DLG2: variants seen among roughly 807,000 people sequenced by gnomAD.
DLG2 encodes disks large homolog 2.
Under a neutral mutation model 132.5 loss-of-function variants are expected in DLG2, and 45 were observed. The observed-to-expected ratio is 0.34, with a 90% CI of 0.27 to 0.44. The LOEUF is 0.44. Among genes scored for constraint, DLG2 ranks in the 20% least tolerant of loss-of-function variants. The pLI, the probability that DLG2 is intolerant of heterozygous loss-of-function variation, is 1.00. For missense variants in DLG2, 1,045 were observed against 1,196.9 expected (o/e 0.87, Z 1.87); for synonymous variants, 424 against 419.6 (o/e 1.01, Z -0.13).
At chr11:84,959,430 G>A (rs1042614656) in intron 6 of DLG2, among the ~76,000 whole-genome samples, 2 of 152,120 alleles carry the variant, frequency 1.3e-5, no homozygotes, top group Admixed American at 1.3e-4. Flanking sequence ...GGGTGAAAGG[G>A]CATGCATCTA....
intron 7 of DLG2, among the ~76,000 whole-genome samples, chr11:84,343,551 A>G (rs1463156839): frequency 1.3e-5 from 2 of 152,210 alleles, no homozygotes; most frequent in Admixed American, 6.5e-5. Context: ...CTTGAAATCT[A>G]GTGGAAACAT....
At chr11:85,194,612 C>T (rs555423960) in intron 4 of DLG2, among the ~76,000 whole-genome samples, 17 of 151,642 alleles carry the variant, frequency 1.1e-4, no homozygotes, top group South Asian at 6.3e-4. Context: ...CCCCCACCCC[C>T]GCCAAAGAAA....
At chr11:84,273,306 GAAAA>G (rs752762450) in intron 7 of DLG2, 1,884 of 783,314 alleles carry the variant, frequency 2.4e-3, no homozygotes, top group East Asian at 5.6e-3. Flanking sequence ...AGTTGAAGAG[GAAAA>G]AAAAAAAAAA....
intron 3 of DLG2, among the ~76,000 whole-genome samples, chr11:85,390,628 C>T (rs117607886): frequency 0.023 from 3,506 of 151,936 alleles, 62 homozygotes; most frequent in South Asian, 0.047. Flanking sequence ...AAATAAACAC[C>T]AAAAGGAACC....
At chr11:84,692,538 G>A (rs1037818570) in intron 6 of DLG2, among the ~76,000 whole-genome samples, 1 of 151,646 alleles carries the variant, frequency 6.6e-6, no homozygotes, top group Admixed American at 6.6e-5. Flanking sequence ...AAAAATTTCT[G>A]TTTGTAAACA....
At chr11:83,870,767 C>T (rs1376179130) in intron 16 of DLG2, among the ~76,000 whole-genome samples, 1 of 152,166 alleles carries the variant, frequency 6.6e-6, no homozygotes, top group Non-Finnish European at 1.5e-5. Context: ...CTTTCAATCC[C>T]ATCTGTTGTC....
intron 3 of DLG2, among the ~76,000 whole-genome samples, chr11:85,403,669 T>C (rs1239153809): frequency 6.6e-6 from 1 of 151,778 alleles, no homozygotes; most frequent in Non-Finnish European, 1.5e-5. Flanking sequence ...ATGTATGATA[T>C]CACGTTTTGG....
intron 21 of DLG2, among the ~76,000 whole-genome samples, chr11:83,531,500 A>G (rs1437786458): frequency 6.6e-6 from 1 of 152,022 alleles, no homozygotes; most frequent in Admixed American, 6.6e-5. Flanking sequence ...AGAAAGACAT[A>G]TAATAACAAG....
At chr11:83,649,777 C>A (rs960067110) in intron 18 of DLG2, among the ~76,000 whole-genome samples, 1 of 152,078 alleles carries the variant, frequency 6.6e-6, no homozygotes, top group African/African-American at 2.4e-5. Flanking sequence ...GGAAGGGAGG[C>A]ATAAGGGAAT....
intron 4 of DLG2, among the ~76,000 whole-genome samples, chr11:85,245,503 C>G (rs879263216): frequency 1.3e-5 from 2 of 152,010 alleles, no homozygotes; most frequent in Non-Finnish European, 2.9e-5. Context: ...ACTTCCATCA[C>G]TACCACCCTG....
At chr11:85,140,438 T>A (rs1044452667) in intron 5 of DLG2, among the ~76,000 whole-genome samples, 12 of 151,966 alleles carry the variant, frequency 7.9e-5, no homozygotes, top group African/African-American at 1.2e-4. Flanking sequence ...CCTATCTTTT[T>A]AAAAAATTAT....
rs2099277610 is a variant in DLG2 at position 84,517,570 on chromosome 11, A to G, written c.519+17000T>C. 2.6e-5 allele frequency among the ~76,000 whole-genome samples: 4 copies of G among 152,116 alleles called. No individual in the cohort carries two copies. In the South Asian group the frequency reaches 8.3e-4, roughly 32 times the overall value. On this transcript the variant is annotated intron_variant, in intron 7 of 27. Coordinates refer to ENST00000376104, the MANE Select transcript of DLG2 (RefSeq NM_001142699.3). The stretch of plus-strand genomic sequence containing the variant: ...GGGAATATAAATTAATGCAACCATT[A>G]TGAAAAAGAGTATATAGAGCTTCTT...
intron 21 of DLG2, among the ~76,000 whole-genome samples, chr11:83,516,590 T>A (rs565789397): frequency 3.5e-4 from 53 of 152,352 alleles, no homozygotes; most frequent in African/African-American, 1.2e-3. Flanking sequence ...GTTCTTTTGC[T>A]CGTTAGTTGA....
intron 7 of DLG2, among the ~76,000 whole-genome samples, chr11:84,337,432 T>G (rs1204929185): frequency 3.3e-5 from 5 of 152,336 alleles, no homozygotes; most frequent in African/African-American, 1.2e-4. Context: ...TACTCATATC[T>G]CCATTGTTAG....
intron 7 of DLG2, among the ~76,000 whole-genome samples, chr11:84,497,782 G>C (rs141202076): frequency 6.6e-6 from 1 of 152,102 alleles, no homozygotes; most frequent in East Asian, 1.9e-4. Flanking sequence ...TTCACATGCC[G>C]TTATACCTCC....
At chr11:84,880,919 C>G (rs1358100572) in intron 6 of DLG2, among the ~76,000 whole-genome samples, 1 of 152,008 alleles carries the variant, frequency 6.6e-6, no homozygotes. Flanking sequence ...TTGTTGAGCA[C>G]CTATTATGCA....
intron 7 of DLG2, among the ~76,000 whole-genome samples, chr11:84,327,525 T>C (rs1457019159): frequency 1.3e-5 from 2 of 152,232 alleles, no homozygotes; most frequent in African/African-American, 4.8e-5. Context: ...TTGAATCTTT[T>C]TTGTCCCTGT....
intron 8 of DLG2, among the ~76,000 whole-genome samples, chr11:84,236,701 C>T (rs997486447): frequency 6.6e-6 from 1 of 152,188 alleles, no homozygotes; most frequent in Non-Finnish European, 1.5e-5. Flanking sequence ...GGTGGCAGCT[C>T]AGTTTATTGC....
chr11:84,756,110 A>G (rs1222908202), intron 6 of DLG2, among the ~76,000 whole-genome samples: 2 of 152,208 alleles, frequency 1.3e-5, no homozygotes, highest in African/African-American at 4.8e-5. Flanking sequence ...AAAATCATAA[A>G]AAAAATTTAA....
Sources: allele counts gnomAD v4.1 joint callset (sites outside exome capture counted in the v4.1 genomes callset), GRCh38; gene constraint gnomAD v4.1.1; transcripts MANE v1.5; gene names NCBI Gene and HGNC (gene_info 2026-07-23, HGNC 2026-07-21).